The following BBOX1 variants were observed in gnomAD, a reference collection of about 807,000 sequenced individuals.
BBOX1 encodes the protein gamma-butyrobetaine hydroxylase 1.
BBOX1 carries 35 observed loss-of-function variants against 41.6 expected under a neutral mutation model. The observed-to-expected ratio is 0.84, with a 90% CI of 0.64 to 1.11. The LOEUF is 1.11. Among genes scored for constraint, BBOX1 ranks in the 50% most tolerant of loss-of-function variants. BBOX1 has a pLI of 0.00. For missense variants in BBOX1, 458 were observed against 460.6 expected (o/e 0.99, Z 0.05); for synonymous variants, 163 against 154.7 (o/e 1.05, Z -0.40).
chr11:27,092,744 A>T (rs1320288964), intron 4 of BBOX1, among the ~76,000 whole-genome samples: 1 of 151,912 alleles, frequency 6.6e-6, no homozygotes, highest in Non-Finnish European at 1.5e-5. Context: ...TCCCAAGAGT[A>T]GACATATGCT....
intron 4 of BBOX1, among the ~76,000 whole-genome samples, chr11:27,063,555 T>C (rs2133977159): frequency 6.6e-6 from 1 of 152,148 alleles, no homozygotes; most frequent in South Asian, 2.1e-4. Flanking sequence ...TTATAGAATA[T>C]TGAGATTTAA....
At chr11:27,046,928 T>TTTTA (rs1851504313) in intron 2 of BBOX1, among the ~76,000 whole-genome samples, 2 of 151,702 alleles carry the variant, frequency 1.3e-5, no homozygotes, top group Non-Finnish European at 2.9e-5. Flanking sequence ...ATTTTTTTTT[T>TTTTA]AATTTTCATC....
chr11:27,044,775 T>C (rs1340224218), intron 2 of BBOX1, among the ~76,000 whole-genome samples: 1 of 151,410 alleles, frequency 6.6e-6, no homozygotes, highest in Admixed American at 6.6e-5. Context: ...AGGCCTCTGT[T>C]TTGTTCCATT....
At chr11:27,089,329 T>C (rs1010094273) in intron 4 of BBOX1, among the ~76,000 whole-genome samples, 1 of 151,980 alleles carries the variant, frequency 6.6e-6, no homozygotes, top group African/African-American at 2.4e-5. Flanking sequence ...AAAGCCCTAT[T>C]GGACAGTACT....
intron 8 of BBOX1, 94 bp downstream of exon 8, chr11:27,125,914 T>TG: frequency 7.5e-7 from 1 of 1,340,370 alleles, no homozygotes; most frequent in Non-Finnish European, 1.0e-6. Flanking sequence ...TTCTCAGGTA[T>TG]GGCATGTAGA....
intron 5 of BBOX1, among the ~76,000 whole-genome samples, chr11:27,102,739 C>A (rs183045073): frequency 3.4e-4 from 51 of 152,068 alleles, no homozygotes; most frequent in African/African-American, 1.2e-3. Context: ...CTAAGGAAGG[C>A]CTCATAGGAA....
At chr11:27,044,318 T>G (rs1014950343) in intron 2 of BBOX1, among the ~76,000 whole-genome samples, 4 of 152,180 alleles carry the variant, frequency 2.6e-5, no homozygotes, top group Non-Finnish European at 4.4e-5. Context: ...TTGAAGTTCT[T>G]TGTAGATTCT....
chr11:27,093,472 C>A (rs750906381), intron 5 of BBOX1, 106 bp downstream of exon 5: 2 of 1,162,414 alleles, frequency 1.7e-6, no homozygotes, highest in East Asian at 2.5e-5. Flanking sequence ...CTCATAATGT[C>A]TTGAGTAGGA....
chr11:27,060,925 C>T (rs571024791), intron 4 of BBOX1, among the ~76,000 whole-genome samples: 1 of 152,294 alleles, frequency 6.6e-6, no homozygotes, highest in African/African-American at 2.4e-5. Context: ...CCAATGAGTG[C>T]ATTGCTAAAT....
Position 27,045,304 on chromosome 11 carries a change from C to T in BBOX1, c.-39+3826C>T, listed in dbSNP as rs1245940612. 4.6e-5 allele frequency among the ~76,000 whole-genome samples: 7 copies of T among 152,138 alleles called. No homozygotes were observed. In the East Asian group the frequency reaches 1.3e-3, roughly 29 times the overall value. On this transcript the variant is annotated intron_variant, in intron 2 of 8. Coordinates refer to ENST00000263182, the MANE Select transcript of BBOX1 (RefSeq NM_003986.3). ...GTATCCCGAGACTTTGCTGAAGTTG[C>T]TTATCAGCTTAAGGAGATTTTGGGC...
chr11:27,126,831 C>T (rs969815159), intron 8 of BBOX1, among the ~76,000 whole-genome samples: 2 of 151,904 alleles, frequency 1.3e-5, no homozygotes, highest in African/African-American at 2.4e-5. Context: ...ACTGCCACCA[C>T]GCCTGGCTAA....
In BBOX1 at chr11:27,093,498, A is replaced by G. The variant is rs7945305; in HGVS notation, c.533+132A>G. ...TTGAGTAGGAAGTCAGATAAAAAGA[A>G]GAGTCTAAAAGTAGTATTTTGCTGA... is the stretch of plus-strand genomic sequence containing the variant. On this transcript the variant is annotated intron_variant, in intron 5 of 8. Coordinates refer to ENST00000263182, the MANE Select transcript of BBOX1 (RefSeq NM_003986.3). 34,136 of 962,198 alleles carry G rather than the reference A, an allele frequency of 0.035. 7,061 individuals carry two copies. In the African/African-American group the frequency reaches 0.47, roughly 13 times the overall value. 59.6% of individuals were successfully genotyped at this position (962,198 alleles called of 1,614,324 possible). A position where few individuals can be genotyped will look rare whatever the true frequency, so the allele number is the denominator to read the frequency against.
At chr11:27,102,389 C>T (rs1858694267) in intron 5 of BBOX1, among the ~76,000 whole-genome samples, 1 of 152,076 alleles carries the variant, frequency 6.6e-6, no homozygotes, top group Admixed American at 6.6e-5. Context: ...ATAAGGCAAA[C>T]ACCCTTAAAC....
chr11:27,054,175 A>G (rs1020016293), intron 2 of BBOX1, among the ~76,000 whole-genome samples: 3 of 140,172 alleles, frequency 2.1e-5, no homozygotes, highest in African/African-American at 7.6e-5. Context: ...AGTGCCTGGA[A>G]GGGATTTTAT....
rs1469265576 is a variant in BBOX1, at chr11:27,043,762, A to AAT, written c.-39+2284_-39+2285insAT. ...TCCAGCTTCCTCCATGTCCCTGCGG[A>AAT]GGACATGAACTCATCCTTTTTTATG... On this transcript the variant is annotated intron_variant, in intron 2 of 8. Transcript: ENST00000263182. Among the ~76,000 whole-genome samples the AAT allele has an allele frequency of 7.3e-5, 11 of 150,038 alleles. No individual in the cohort carries two copies. In the East Asian group the frequency reaches 2.1e-3, roughly 29 times the overall value.
intron 7 of BBOX1, among the ~76,000 whole-genome samples, chr11:27,124,528 AT>A (rs1859577175): frequency 6.6e-6 from 1 of 152,142 alleles, no homozygotes; most frequent in African/African-American, 2.4e-5. Flanking sequence ...TTATTAATTT[AT>A]TTTTTTGAGA....
chr11:27,089,309 A>G (rs944491542), intron 4 of BBOX1, among the ~76,000 whole-genome samples: 1 of 152,000 alleles, frequency 6.6e-6, no homozygotes, highest in Non-Finnish European at 1.5e-5. Flanking sequence ...GAATATTTCC[A>G]TTATTGCAGA....
Position 27,042,081 on chromosome 11 carries a change from G to A in BBOX1, c.-39+603G>A, listed in dbSNP as rs148730925. Among the ~76,000 whole-genome samples, 147 of 152,206 alleles carry A rather than the reference G, an allele frequency of 9.7e-4. No homozygotes were observed. The Middle Eastern group carries it at 0.01, about 11-fold the overall frequency. ...TACAGGTATGGATTTGATTAAAAAC[G>A]TAAGGTTTCTCATAATGAATATATG... On this transcript the variant is annotated intron_variant, in intron 2 of 8. Coordinates refer to ENST00000263182, the MANE Select transcript of BBOX1 (RefSeq NM_003986.3).
chr11:27,115,412 G>A (rs1265230676), intron 5 of BBOX1, 40 bp from the exon 6 acceptor site: 3 of 1,529,180 alleles, frequency 2.0e-6, no homozygotes, highest in Non-Finnish European at 2.7e-6. Flanking sequence ...CTCTGGCTTA[G>A]TGACAACCTG....
Sources: gnomAD v4.1 joint callset for allele counts (sites outside exome capture counted in the v4.1 genomes callset) on GRCh38, gnomAD v4.1.1 for gene constraint, MANE v1.5 for transcripts, NCBI Gene and HGNC (gene_info 2026-07-23, HGNC 2026-07-21) for gene names.